CPLANE1: variants seen among roughly 807,000 people sequenced by gnomAD.
CPLANE1 encodes the protein ciliogenesis and planar polarity effector 1.
CPLANE1 carries 263 observed loss-of-function variants against 362.5 expected under a neutral mutation model. That is an observed-to-expected ratio of 0.73 (90% CI 0.66 to 0.80). The LOEUF (loss-of-function observed/expected upper bound fraction) is 0.80, where lower values mean the gene tolerates loss of function less well. CPLANE1 is among the 30% of genes least tolerant of loss of function. The pLI is 0.00. For missense variants in CPLANE1, 3,461 were observed against 3,793.4 expected (o/e 0.91, Z 2.30); for synonymous variants, 1,212 against 1,302.6 (o/e 0.93, Z 1.50).
chr5:37,210,893 A>G, intron 16 of CPLANE1: 1 of 784,304 alleles, frequency 1.3e-6, no homozygotes, highest in Admixed American at 1.7e-5. Context: ...TGCACAAACA[A>G]CTGCAAGATG....
intron 25 of CPLANE1, among the ~76,000 whole-genome samples, chr5:37,184,174 A>T (rs1004366636): frequency 6.6e-6 from 1 of 152,212 alleles, no homozygotes; most frequent in Non-Finnish European, 1.5e-5. Context: ...GTTTTACCAC[A>T]CAAAAACTGG....
intron 15 of CPLANE1, among the ~76,000 whole-genome samples, chr5:37,220,163 G>C (rs1795046310): frequency 6.6e-6 from 1 of 151,660 alleles, no homozygotes; most frequent in Non-Finnish European, 1.5e-5. Context: ...GAGGTGGAAG[G>C]ATGGCTTGAG....
intron 16 of CPLANE1, among the ~76,000 whole-genome samples, chr5:37,208,014 C>T (rs186681650): frequency 6.6e-6 from 1 of 152,092 alleles, no homozygotes; most frequent in Non-Finnish European, 1.5e-5. Flanking sequence ...AGTGTAATCA[C>T]GTGATCTCAC....
intron 38 of CPLANE1, among the ~76,000 whole-genome samples, chr5:37,161,800 T>C (rs1274552804): frequency 1.3e-5 from 2 of 152,226 alleles, no homozygotes; most frequent in Admixed American, 6.5e-5. Context: ...TTATGGTTAA[T>C]TTTCATCTTC....
intron 8 of CPLANE1, among the ~76,000 whole-genome samples, chr5:37,238,121 G>A (rs1580998708): frequency 6.6e-6 from 1 of 152,156 alleles, no homozygotes; most frequent in Non-Finnish European, 1.5e-5. Flanking sequence ...CAACGCTGCA[G>A]TGAGCTATGA....
chr5:37,219,027 T>C (rs1437423462), intron 15 of CPLANE1, among the ~76,000 whole-genome samples: 1 of 151,904 alleles, frequency 6.6e-6, no homozygotes, highest in Non-Finnish European at 1.5e-5. Context: ...AAGGACAATA[T>C]TGCAAAAATA....
intron 51 of CPLANE1, among the ~76,000 whole-genome samples, chr5:37,110,803 CTT>C (rs529885756): frequency 1.3e-4 from 16 of 125,004 alleles, no homozygotes; most frequent in Admixed American, 2.7e-4. Flanking sequence ...AATGTATTAA[CTT>C]TTTTTTTTTT....
At chr5:37,076,228 T>G in the CPLANE1 span, among the ~76,000 whole-genome samples, 1 of 148,346 alleles carries the variant, frequency 6.7e-6, no homozygotes, top group Non-Finnish European at 1.5e-5. Flanking sequence ...CACTCTAGCC[T>G]AGGTGACAGA....
intron 21 of CPLANE1, among the ~76,000 whole-genome samples, chr5:37,191,604 G>C (rs891014599): frequency 6.6e-6 from 1 of 152,210 alleles, no homozygotes; most frequent in South Asian, 2.1e-4. Context: ...CCGGGAGGCA[G>C]AGGCTGCAGT....
intron 20 of CPLANE1, among the ~76,000 whole-genome samples, chr5:37,197,973 A>C (rs1788021016): frequency 6.6e-6 from 1 of 152,192 alleles, no homozygotes; most frequent in Non-Finnish European, 1.5e-5. Flanking sequence ...AAAGTTATCT[A>C]AAAGTCTCTC....
intron 31 of CPLANE1, among the ~76,000 whole-genome samples, chr5:37,174,968 G>A (rs1780757269): frequency 6.6e-6 from 1 of 152,232 alleles, no homozygotes; most frequent in Non-Finnish European, 1.5e-5. Context: ...TGGGTGACAA[G>A]GGAGTTAGTT....
chr5:37,098,491 A>G, the CPLANE1 span, among the ~76,000 whole-genome samples: 7 of 151,916 alleles, frequency 4.6e-5, no homozygotes, highest in Admixed American at 1.3e-4. Context: ...TTGGAATTAA[A>G]TTTCACTTTA....
intron 1 of CPLANE1, 26 bp from the exon 2 acceptor site, chr5:37,247,771 A>G (rs1740227231): frequency 1.5e-5 from 21 of 1,439,652 alleles, no homozygotes; most frequent in Non-Finnish European, 1.8e-6. Flanking sequence ...GTAATAAAAT[A>G]TAAATGATGC....
At chr5:37,158,034 A>G in intron 39 of CPLANE1, 166 bp from the exon 40 acceptor site, 1 of 773,282 alleles carries the variant, frequency 1.3e-6, no homozygotes, top group South Asian at 2.1e-5. Flanking sequence ...AGGAGCAGGA[A>G]GTATGTATTA....
chr5:37,133,113 A>G (rs568110714), intron 46 of CPLANE1, among the ~76,000 whole-genome samples: 5 of 152,184 alleles, frequency 3.3e-5, no homozygotes, highest in South Asian at 2.1e-4. Context: ...TGAGTTCTCT[A>G]TTCTGTTCCA....
intron 19 of CPLANE1, among the ~76,000 whole-genome samples, chr5:37,199,996 G>A (rs1000096868): frequency 8.5e-5 from 13 of 152,170 alleles, no homozygotes; most frequent in Non-Finnish European, 1.6e-4. Flanking sequence ...CCATGGACAT[G>A]GACAAGGCAT....
the CPLANE1 span, among the ~76,000 whole-genome samples, chr5:37,087,358 C>T: frequency 6.6e-6 from 1 of 152,180 alleles, no homozygotes; most frequent in Non-Finnish European, 1.5e-5. Flanking sequence ...CTCCTTTTCC[C>T]TCAGCCCCAC....
intron 44 of CPLANE1, chr5:37,141,216 GT>G (rs1379067830): frequency 1.0e-6 from 1 of 985,180 alleles, no homozygotes; most frequent in Non-Finnish European, 1.2e-6. Flanking sequence ...AAACCTCCTT[GT>G]TTTACTTCTC....
chr5:37,162,539 G>A lies in CPLANE1; in HGVS notation c.7616C>T (p.Ala2539Val), dbSNP rs150595284. Residue 2539 changes from alanine to valine, a missense_variant, in exon 38 of 53, where the codon GCT becomes GTT. Physicochemically the swap from Ala to Val is moderately conservative, Grantham distance 64. Coordinates refer to ENST00000651892, the MANE Select transcript of CPLANE1 (RefSeq NM_001384732.1). ...TACAGAGGCCATGAAATGCAATCCA[G>A]CTGAAGTATTATCATCTTGTAGCAT... ...FEMLQDDNTS[A>V]GLHFMASVKK... The A allele has an allele frequency of 4.7e-4, 760 of 1,611,288 alleles. No homozygotes were observed. The highest frequency in any genetic ancestry group is 6.2e-4 in the Non-Finnish European group (736 of 1,177,974).
Sources: allele counts gnomAD v4.1 joint callset (sites outside exome capture counted in the v4.1 genomes callset), GRCh38; gene constraint gnomAD v4.1.1; transcripts MANE v1.5; gene names NCBI Gene and HGNC (gene_info 2026-07-23, HGNC 2026-07-21).